The following TAPT1 variants were observed in gnomAD, a reference collection of about 807,000 sequenced individuals.
TAPT1 encodes transmembrane anterior posterior transformation 1, also known as transmembrane anterior posterior transformation protein 1 homolog.
Under a neutral mutation model 65.6 loss-of-function variants are expected in TAPT1, and 28 were observed. The observed-to-expected ratio is 0.43, with a 90% CI of 0.32 to 0.59. The LOEUF (loss-of-function observed/expected upper bound fraction) is 0.59. Among genes scored for constraint, TAPT1 ranks in the 20% least tolerant of loss-of-function variants. The probability of loss-of-function intolerance (pLI) is 0.09; values close to 1 mark genes in which losing one functional copy is unlikely to be tolerated. For synonymous variants in TAPT1, 278 were observed against 245.2 expected, an observed-to-expected ratio of 1.13 and a Z score of -1.25; for missense variants, 563 against 679.9, an observed-to-expected ratio of 0.83 and a Z score of 1.91.
At position 16,174,234 on chromosome 4, in the gene TAPT1, C is replaced by A; in HGVS notation, c.1206G>T (p.Met402Ile). Residue 402 changes from methionine to isoleucine, a missense_variant, in exon 11 of 14, where the codon ATG becomes ATT. Met to Ile is a conservative substitution (Grantham distance 10, BLOSUM62 1). Coordinates refer to ENST00000405303, the MANE Select transcript of TAPT1 (RefSeq NM_153365.3). ...TDYSDSVARR[M>I]GFIPLPLAVL... is the part of the protein sequence containing the mutation. ...CAGCTAGTGGGAGAGGAATAAAGCC[C>A]ATCCTCCGTGCTACAGAGTCACTGT... The A allele has an allele frequency of 6.2e-7, 1 of 1,608,034 alleles. No individual in the cohort carries two copies. The highest frequency in any genetic ancestry group is 8.5e-7 in the Non-Finnish European group (1 of 1,177,208).
chr4:16,216,562 TG>T (rs1750953236), intron 1 of TAPT1, among the ~76,000 whole-genome samples: 1 of 152,180 alleles, frequency 6.6e-6, no homozygotes, highest in Non-Finnish European at 1.5e-5. Flanking sequence ...GCACCTCTCC[TG>T]GAGTCCTGAC....
chr4:16,195,425 A>G (rs1373753007), intron 3 of TAPT1, among the ~76,000 whole-genome samples: 2 of 152,240 alleles, frequency 1.3e-5, no homozygotes, highest in African/African-American at 4.8e-5. Flanking sequence ...CAAGTGAAAC[A>G]TACTGTTGGG....
intron 7 of TAPT1, among the ~76,000 whole-genome samples, chr4:16,184,963 T>G (rs1748915586): frequency 6.6e-6 from 1 of 152,230 alleles, no homozygotes; most frequent in South Asian, 2.1e-4. Flanking sequence ...ATATTTTAAT[T>G]TTGAAGAAGT....
Position 16,164,179 on chromosome 4 carries a change from G to A in TAPT1, c.1475-642C>T, listed in dbSNP as rs528028099. Among the ~76,000 whole-genome samples, 3 of 152,264 alleles carry A rather than the reference G, an allele frequency of 2.0e-5. No individual in the cohort carries two copies. In the South Asian group the frequency reaches 6.2e-4, roughly 32 times the overall value. The stretch of plus-strand genomic sequence containing the variant: ...AGGCAAAAAAGACACACCATCAGCT[G>A]TACACATTTAAAATGTATAATCTGA... On this transcript the variant is annotated intron_variant, in intron 13 of 13. Coordinates refer to ENST00000405303, the MANE Select transcript of TAPT1 (RefSeq NM_153365.3).
At chr4:16,188,409 A>C (rs1348545407) in intron 4 of TAPT1, 54 bp from the exon 5 acceptor site, 34 of 1,365,558 alleles carry the variant, frequency 2.5e-5, no homozygotes, top group Non-Finnish European at 3.1e-5. Context: ...TTAAATATAT[A>C]ACTAAAATTG....
intron 1 of TAPT1, among the ~76,000 whole-genome samples, chr4:16,222,217 C>T (rs571928379): frequency 2.0e-5 from 3 of 152,204 alleles, no homozygotes; most frequent in Non-Finnish European, 2.9e-5. Flanking sequence ...AATTTCAGAG[C>T]GTAAACTAAG....
chr4:16,224,604 T>C (rs1315209310), intron 1 of TAPT1, among the ~76,000 whole-genome samples: 5 of 152,168 alleles, frequency 3.3e-5, no homozygotes, highest in Non-Finnish European at 2.9e-5. Context: ...TCAATGGAAC[T>C]GGGGAAAGAA....
At chr4:16,205,256 T>C (rs1750272424) in intron 2 of TAPT1, among the ~76,000 whole-genome samples, 1 of 152,226 alleles carries the variant, frequency 6.6e-6, no homozygotes, top group Admixed American at 6.5e-5. Flanking sequence ...TTTTGCAATA[T>C]ATCTCCTTGA....
chr4:16,215,707 G>A (rs576487092), intron 1 of TAPT1, among the ~76,000 whole-genome samples: 8 of 152,250 alleles, frequency 5.3e-5, no homozygotes, highest in East Asian at 3.9e-4. Flanking sequence ...TTAAGTGCAC[G>A]CAATATGTAA....
At chr4:16,196,806 T>C (rs1291973157) in intron 3 of TAPT1, 3 of 651,000 alleles carry the variant, frequency 4.6e-6, no homozygotes, top group East Asian at 1.3e-4. Flanking sequence ...AACGGGACAA[T>C]AAAACCTGGT....
intron 2 of TAPT1, among the ~76,000 whole-genome samples, chr4:16,206,918 C>T (rs34592687): frequency 0.25 from 37,614 of 152,054 alleles, 5,499 homozygotes; most frequent in East Asian, 0.33. Context: ...TGCCCAACCT[C>T]CCCTGAGAAA....
Position 16,174,292 on chromosome 4 carries a change from A to G in TAPT1, c.1168-20T>C. ...GTATGCCTGAACAGAGAAAGAAGCA[A>G]AAGATTCAGATTTATGGGATTTAAA... On this transcript the variant is annotated intron_variant, in intron 10 of 13. Transcript: ENST00000405303. 2 of 1,584,834 alleles carry G rather than the reference A, an allele frequency of 1.3e-6. No homozygotes were observed. The highest frequency in any genetic ancestry group is 2.3e-5 in the South Asian group (2 of 85,528).
chr4:16,220,487 G>A (rs1751191302), intron 1 of TAPT1, among the ~76,000 whole-genome samples: 2 of 152,128 alleles, frequency 1.3e-5, no homozygotes, highest in Non-Finnish European at 2.9e-5. Flanking sequence ...TTCAGTAAAA[G>A]TTTTTTAAAA....
intron 7 of TAPT1, among the ~76,000 whole-genome samples, chr4:16,182,109 T>A (rs1017327285): frequency 2.6e-5 from 4 of 152,202 alleles, no homozygotes; most frequent in Non-Finnish European, 4.4e-5. Context: ...GTTTTATTCT[T>A]ACACTTTCAC....
At chr4:16,190,586 C>T (rs9996261) in intron 4 of TAPT1, 12,402 of 153,054 alleles carry the variant, frequency 0.081, 607 homozygotes, top group Middle Eastern at 0.15. Context: ...TCATCCGCCC[C>T]GCCTCAGCCT....
At chr4:16,213,299 G>C (rs1373108) in intron 2 of TAPT1, among the ~76,000 whole-genome samples, 7 of 152,198 alleles carry the variant, frequency 4.6e-5, no homozygotes, top group African/African-American at 1.7e-4. Flanking sequence ...GATGCTTCCT[G>C]TGATAAAGAT....
At chr4:16,187,077 A>G (rs1749063954) in intron 5 of TAPT1, among the ~76,000 whole-genome samples, 199 bp from the exon 6 acceptor site, 1 of 152,218 alleles carries the variant, frequency 6.6e-6, no homozygotes, top group South Asian at 2.1e-4. Context: ...TGAAACGAAC[A>G]AAAGTGGAAA....
intron 1 of TAPT1, 48 bp from the exon 2 acceptor site, chr4:16,213,946 G>A (rs1187469733): frequency 1.3e-6 from 2 of 1,537,664 alleles, no homozygotes; most frequent in African/African-American, 1.4e-5. Context: ...TATTTATCAA[G>A]GAACTTCCAC....
At chr4:16,180,104 C>T (rs1394176063) in intron 7 of TAPT1, among the ~76,000 whole-genome samples, 1 of 152,050 alleles carries the variant, frequency 6.6e-6, no homozygotes, top group Non-Finnish European at 1.5e-5. Flanking sequence ...AAATAGTACA[C>T]AATTACTGAA....
Sources: allele counts gnomAD v4.1 joint callset (sites outside exome capture counted in the v4.1 genomes callset), GRCh38; gene constraint gnomAD v4.1.1; transcripts MANE v1.5; gene names NCBI Gene and HGNC (gene_info 2026-07-23, HGNC 2026-07-21).